The following KL variants were observed in gnomAD, a reference collection of about 807,000 sequenced individuals.
The protein encoded by KL is alpha-klotho.
A neutral mutation model predicts 84.2 loss-of-function variants in KL; 62 were observed. That is an observed-to-expected ratio of 0.74 (90% CI 0.60 to 0.91). The LOEUF (loss-of-function observed/expected upper bound fraction) is 0.91, where lower values mean the gene tolerates loss of function less well. Among genes scored for constraint, KL ranks in the 40% least tolerant of loss-of-function variants. The probability of loss-of-function intolerance (pLI) is 0.00; values close to 1 mark genes in which losing one functional copy is unlikely to be tolerated. For synonymous variants in KL, 528 were observed against 528.0 expected (o/e 1.00, Z 0.00); for missense variants, 1,261 against 1,305.7 (o/e 0.97, Z 0.53).
In KL at chr13:33,016,478, C is replaced by G. The variant is rs1870331223; in HGVS notation, c.38C>G (p.Pro13Arg). 1 of 1,112,764 alleles carries G rather than the reference C, an allele frequency of 9.0e-7. No homozygotes were observed. Among genetic ancestry groups the G allele is most frequent in the Admixed American group, 5.1e-5 (1 of 19,614 alleles). 68.9% of individuals were successfully genotyped at this position (1,112,764 alleles called of 1,614,324 possible). A position where few individuals can be genotyped will look rare whatever the true frequency, so the allele number is the denominator to read the frequency against. The change falls in exon 1 of 5, where the codon CCG becomes CGG. Residue 13 changes from proline (P) to arginine (R), a missense_variant. Coordinates refer to ENST00000380099, the MANE Select transcript of KL (RefSeq NM_004795.4). Reference protein sequence around the residue: ...ASAPPRRPRPPPPSLSLLLVL... With the variant: ...ASAPPRRPRPRPPSLSLLLVL... ...GCCCCGCCGCGCCGCCCGCGGCCGC[C>G]GCCGCCGTCGCTGTCGCTGCTGCTG...
Position 33,065,081 on chromosome 13 carries a change from C to T in KL, c.*895C>T. ...AATCTGATTATACACCATTTTTGAG[C>T]AGATCTTGGAATGAATGACATGACC... On this transcript the variant is annotated 3_prime_UTR_variant, in exon 5 of 5. Transcript: ENST00000380099. 4.4e-6 allele frequency: 1 copy of T among 227,144 alleles called. No individual in the cohort carries two copies. The highest frequency in any genetic ancestry group is 8.8e-6 in the Non-Finnish European group (1 of 114,112). The allele number at this position is 227,144 out of a possible 1,614,324, so 14.1% of individuals were successfully genotyped here.
chr13:33,034,564 A>C (rs972741547), intron 1 of KL, among the ~76,000 whole-genome samples: 3 of 152,126 alleles, frequency 2.0e-5, no homozygotes, highest in African/African-American at 7.2e-5. Flanking sequence ...AATAAAATGT[A>C]TCTCCTCTCC....
At chr13:33,042,586 C>T (rs1871375822) in intron 1 of KL, among the ~76,000 whole-genome samples, 1 of 152,142 alleles carries the variant, frequency 6.6e-6, no homozygotes, top group African/African-American at 2.4e-5. Flanking sequence ...AATAGTATTC[C>T]ATTGTATAAA....
chr13:33,059,718 G>A (rs570261548), intron 3 of KL, among the ~76,000 whole-genome samples: 10 of 152,202 alleles, frequency 6.6e-5, no homozygotes, highest in Non-Finnish European at 1.0e-4. Context: ...TGATCTGCCC[G>A]CCTTGGCCCC....
At chr13:33,019,605 C>T (rs1349861991) in intron 1 of KL, among the ~76,000 whole-genome samples, 1 of 151,816 alleles carries the variant, frequency 6.6e-6, no homozygotes. Context: ...GGACAGGAGG[C>T]AGAACAAACA....
intron 1 of KL, among the ~76,000 whole-genome samples, chr13:33,020,752 GAC>G (rs1174492577): frequency 8.5e-5 from 13 of 152,190 alleles, no homozygotes; most frequent in Non-Finnish European, 1.2e-4. Flanking sequence ...GGAGGTGCAA[GAC>G]ACCATCCAAC....
chr13:33,044,876 G>A (rs368340718), intron 1 of KL, among the ~76,000 whole-genome samples: 10 of 151,636 alleles, frequency 6.6e-5, no homozygotes, highest in South Asian at 2.1e-4. Flanking sequence ...TAACTTATTC[G>A]TTTTAATAGT....
intron 3 of KL, among the ~76,000 whole-genome samples, chr13:33,057,876 T>G (rs1339200590): frequency 6.6e-6 from 1 of 152,208 alleles, no homozygotes; most frequent in Non-Finnish European, 1.5e-5. Context: ...CTCTACAGCT[T>G]TAAGACATTA....
In KL at chr13:33,061,107, G is replaced by T; in HGVS notation, c.2028G>T (p.Glu676Asp). 6.2e-7 allele frequency: 1 copy of T among 1,613,990 alleles called. No individual in the cohort carries two copies. The highest frequency in any genetic ancestry group is 8.5e-7 in the Non-Finnish European group (1 of 1,179,910). ...AGTATGCCCGACTGTGCTTTCAAGA[G>T]CTCGGCCATCACGTCAAGCTTTGGA... ...FAEYARLCFQELGHHVKLWIT... is the reference protein window; with the variant it reads ...FAEYARLCFQDLGHHVKLWIT... Residue 676 changes from glutamate (E) to aspartate (D), a missense_variant, in exon 4 of 5, where the codon GAG becomes GAT. Glu to Asp is a conservative substitution (Grantham distance 45). Transcript: ENST00000380099.
At chr13:33,051,760 T>TG (rs1269194582) in intron 1 of KL, among the ~76,000 whole-genome samples, 1 of 152,212 alleles carries the variant, frequency 6.6e-6, no homozygotes, top group Non-Finnish European at 1.5e-5. Context: ...ATTCTTTGTT[T>TG]GCTTTCACTC....
At chr13:33,034,578 G>A (rs777985555) in intron 1 of KL, among the ~76,000 whole-genome samples, 2 of 151,296 alleles carry the variant, frequency 1.3e-5, no homozygotes, top group African/African-American at 2.4e-5. Context: ...CCTCTCCGTG[G>A]CACCCCAGGC....
chr13:33,043,884 G>A (rs941855329), intron 1 of KL, among the ~76,000 whole-genome samples: 1 of 152,224 alleles, frequency 6.6e-6, no homozygotes, highest in South Asian at 2.1e-4. Context: ...TTTAATATAT[G>A]TATATTTATA....
chr13:33,018,819 A>C (rs983395685), intron 1 of KL, among the ~76,000 whole-genome samples: 8 of 152,190 alleles, frequency 5.3e-5, no homozygotes, highest in African/African-American at 1.7e-4. Context: ...TACAAGTTCT[A>C]TTTTTAGAGT....
intron 1 of KL, among the ~76,000 whole-genome samples, chr13:33,033,040 A>G (rs1396128672): frequency 1.3e-5 from 2 of 152,220 alleles, no homozygotes; most frequent in East Asian, 1.9e-4. Context: ...GATGCCCAGC[A>G]TAATAATTTG....
At chr13:33,026,567 C>T (rs1870786786) in intron 1 of KL, among the ~76,000 whole-genome samples, 1 of 152,208 alleles carries the variant, frequency 6.6e-6, no homozygotes, top group South Asian at 2.1e-4. Context: ...AAGGGGTCAT[C>T]ACTTTTTATG....
In KL at chr13:33,061,332, A is replaced by G. The variant is rs1872189338; in HGVS notation, c.2253A>G (p.Arg751=). 1.2e-6 allele frequency: 2 copies of G among 1,614,078 alleles called. No homozygotes were observed. The highest frequency in any genetic ancestry group is 2.7e-5 in the African/African-American group (2 of 75,002). The change falls in exon 4 of 5, where the codon AGA becomes AGG. Residue 751 remains arginine (R), a synonymous_variant. Coordinates refer to ENST00000380099, the MANE Select transcript of KL (RefSeq NM_004795.4). ...AAAAGGACAAAGAGGTGGCTGAGAGAGTTTTGGAATTTGACATTGGCTGGC... is the reference window on the plus strand; with the variant it reads ...AAAAGGACAAAGAGGTGGCTGAGAGGGTTTTGGAATTTGACATTGGCTGGC... ...FSQKDKEVAE[R]VLEFDIGWLA...
chr13:33,028,911 A>T (rs1870872038), intron 1 of KL, among the ~76,000 whole-genome samples: 1 of 152,176 alleles, frequency 6.6e-6, no homozygotes. Context: ...GCATAATAGG[A>T]AGTCAGTGGA....
chr13:33,053,582 G>A (rs746057849), intron 1 of KL, among the ~76,000 whole-genome samples, 185 bp from the exon 2 acceptor site: 15 of 152,122 alleles, frequency 9.9e-5, no homozygotes, highest in East Asian at 7.7e-4. Flanking sequence ...TCTAGTCCCC[G>A]TAGCACCTCA....
intron 1 of KL, among the ~76,000 whole-genome samples, chr13:33,041,526 G>A (rs1210039866): frequency 2.0e-5 from 3 of 152,036 alleles, no homozygotes; most frequent in Non-Finnish European, 2.9e-5. Context: ...AATTCTAAGT[G>A]CTTTCCATGT....
Sources: allele counts gnomAD v4.1 joint callset (sites outside exome capture counted in the v4.1 genomes callset), GRCh38; gene constraint gnomAD v4.1.1; transcripts MANE v1.5; gene names NCBI Gene and HGNC (gene_info 2026-07-23, HGNC 2026-07-21).